Variants in FHIT observed in about 807,000 individuals in gnomAD.
The protein encoded by FHIT is bis(5'-adenosyl)-triphosphatase.
In FHIT, 19 loss-of-function variants were observed where a neutral mutation model predicts 17.9. That is an observed-to-expected ratio of 1.06 (90% CI 0.74 to 1.56). The LOEUF (loss-of-function observed/expected upper bound fraction) is 1.56, where lower values mean the gene tolerates loss of function less well. Ranked by LOEUF, FHIT falls within the 40% of genes most tolerant of loss-of-function variation. The probability of loss-of-function intolerance (pLI) is 0.00; values close to 1 mark genes in which losing one functional copy is unlikely to be tolerated. For synonymous variants in FHIT, 81 were observed against 69.7 expected, an observed-to-expected ratio of 1.16 and a Z score of -0.81; for missense variants, 248 against 189.2, an observed-to-expected ratio of 1.31 and a Z score of -1.82.
intron 4 of FHIT, among the ~76,000 whole-genome samples, chr3:60,542,454 T>C (rs1012317581): frequency 6.6e-6 from 1 of 152,236 alleles, no homozygotes; most frequent in Non-Finnish European, 1.5e-5. Context: ...CAGCACTTGA[T>C]AGTACTTCCT....
chr3:61,051,497 C>T (rs2106652691), intron 2 of FHIT, among the ~76,000 whole-genome samples: 1 of 152,250 alleles, frequency 6.6e-6, no homozygotes, highest in Non-Finnish European at 1.5e-5. Context: ...CATCTGCTCA[C>T]CTCAGCCTCC....
At chr3:59,781,211 C>T (rs116646249) in intron 8 of FHIT, among the ~76,000 whole-genome samples, 130 of 152,210 alleles carry the variant, frequency 8.5e-4, no homozygotes, top group Non-Finnish European at 1.5e-3. Flanking sequence ...GGGTCCCAAG[C>T]GCACAGCCAA....
At chr3:59,977,344 T>C (rs1708459274) in intron 7 of FHIT, among the ~76,000 whole-genome samples, 1 of 152,146 alleles carries the variant, frequency 6.6e-6, no homozygotes, top group Non-Finnish European at 1.5e-5. Context: ...ATGACTACAA[T>C]TTATGCTCCC....
chr3:61,209,095 T>C (rs1452684763), intron 1 of FHIT, among the ~76,000 whole-genome samples: 2 of 152,082 alleles, frequency 1.3e-5, no homozygotes, highest in South Asian at 2.1e-4. Flanking sequence ...TGGCTGGATA[T>C]GAAATGCTGG....
intron 4 of FHIT, among the ~76,000 whole-genome samples, chr3:60,664,752 G>A (rs1483469187): frequency 1.4e-4 from 21 of 146,102 alleles, no homozygotes; most frequent in East Asian, 1.2e-3. Context: ...TTCTATGTTC[G>A]TTGAATATAT....
chr3:61,053,782 A>G (rs568743426), intron 2 of FHIT, among the ~76,000 whole-genome samples: 14 of 152,282 alleles, frequency 9.2e-5, no homozygotes, highest in African/African-American at 3.4e-4. Context: ...TCAGGAAATT[A>G]GTAAAGGAGG....
intron 8 of FHIT, among the ~76,000 whole-genome samples, chr3:59,835,856 G>A (rs754109349): frequency 6.6e-6 from 1 of 152,136 alleles, no homozygotes; most frequent in Non-Finnish European, 1.5e-5. Flanking sequence ...GGATGATTAA[G>A]TTTTGGCCAA....
chr3:60,022,377 C>G (rs1157832534), intron 5 of FHIT, among the ~76,000 whole-genome samples: 2 of 152,166 alleles, frequency 1.3e-5, no homozygotes, highest in Non-Finnish European at 2.9e-5. Context: ...GCCTTCTGGA[C>G]CCTTGCAGTT....
intron 4 of FHIT, among the ~76,000 whole-genome samples, chr3:60,580,452 T>A (rs756106169): frequency 6.6e-4 from 100 of 152,074 alleles, no homozygotes; most frequent in Non-Finnish European, 1.4e-3. Context: ...AGACTTTGAG[T>A]TTTAATCCCA....
At chr3:60,616,691 G>T (rs1553676040) in intron 4 of FHIT, 1 of 152,088 alleles carries the variant, frequency 6.6e-6, no homozygotes, top group Non-Finnish European at 1.5e-5. Flanking sequence ...CTAAGAAAAA[G>T]GAAAGCTATC....
At chr3:60,500,771 T>TAAAAAAAAAAAAAAAAAA (rs71092606) in intron 5 of FHIT, among the ~76,000 whole-genome samples, 3 of 64,858 alleles carry the variant, frequency 4.6e-5, no homozygotes, top group African/African-American at 1.8e-4. Flanking sequence ...AGCATCCATC[T>TAAAAAAAAAAAAAAAAAA]AAAAAAAAAA....
intron 5 of FHIT, among the ~76,000 whole-genome samples, chr3:60,255,185 A>G (rs1705925433): frequency 6.6e-6 from 1 of 152,200 alleles, no homozygotes; most frequent in Admixed American, 6.5e-5. Flanking sequence ...AAGTTAATGC[A>G]TTTAATAGAT....
intron 5 of FHIT, among the ~76,000 whole-genome samples, chr3:60,117,629 T>A: frequency 6.6e-6 from 1 of 152,150 alleles, no homozygotes; most frequent in Non-Finnish European, 1.5e-5. Flanking sequence ...TGCCTTTTTT[T>A]ATTAAACTTG....
chr3:60,665,008 A>C (rs1165599506), intron 4 of FHIT, among the ~76,000 whole-genome samples: 2 of 151,034 alleles, frequency 1.3e-5, no homozygotes, highest in African/African-American at 4.9e-5. Flanking sequence ...CTTTTACTTT[A>C]TTTTTCTCGT....
rs540959919 is a variant in FHIT at position 60,740,722 on chromosome 3, C to T, written c.-18+81197G>A. Among the ~76,000 whole-genome samples the T allele has an allele frequency of 5.9e-5, 9 of 152,250 alleles. No homozygotes were observed. In the East Asian group the frequency reaches 1.2e-3, roughly 20 times the overall value. ...CCAGGGTTGTTCTCTTAAACCAGTC[C>T]TTACCCAGCAAAATACCTTCTAAGG... On this transcript the variant is annotated intron_variant, in intron 4 of 9. Coordinates refer to ENST00000492590, the MANE Select transcript of FHIT (RefSeq NM_002012.4).
At chr3:60,222,887 C>T (rs1385837433) in intron 5 of FHIT, among the ~76,000 whole-genome samples, 3 of 152,136 alleles carry the variant, frequency 2.0e-5, no homozygotes, top group Non-Finnish European at 4.4e-5. Context: ...GGTGAAAGAG[C>T]GAGACTCCAT....
chr3:60,145,446 T>C (rs1700200778), intron 5 of FHIT, among the ~76,000 whole-genome samples: 1 of 152,196 alleles, frequency 6.6e-6, no homozygotes, highest in South Asian at 2.1e-4. Context: ...CAGTGTATGC[T>C]GGATATGAGC....
At chr3:60,418,181 C>G (rs1272274695) in intron 5 of FHIT, among the ~76,000 whole-genome samples, 1 of 151,606 alleles carries the variant, frequency 6.6e-6, no homozygotes, top group African/African-American at 2.4e-5. Context: ...GCAGAATGCA[C>G]TAAAACCTCG....
intron 5 of FHIT, among the ~76,000 whole-genome samples, chr3:60,273,697 C>T (rs1467273061): frequency 6.6e-6 from 1 of 152,124 alleles, no homozygotes; most frequent in Non-Finnish European, 1.5e-5. Flanking sequence ...AACAAAATGA[C>T]AATAAATAAC....
Sources: allele counts gnomAD v4.1 joint callset (sites outside exome capture counted in the v4.1 genomes callset), GRCh38; gene constraint gnomAD v4.1.1; transcripts MANE v1.5; gene names NCBI Gene and HGNC (gene_info 2026-07-23, HGNC 2026-07-21).